The following ELAPOR2 variants were observed in gnomAD, a reference collection of about 807,000 sequenced individuals.
ELAPOR2 encodes the protein endosome/lysosome-associated apoptosis and autophagy regulator family member 2.
A neutral mutation model predicts 120.7 loss-of-function variants in ELAPOR2; 89 were observed. The ratio of observed to expected loss-of-function variants is 0.74; its 90% CI spans 0.62 to 0.88. The LOEUF is 0.88. Among genes scored for constraint, ELAPOR2 ranks in the 40% least tolerant of loss-of-function variants. ELAPOR2 has a pLI of 0.00. For missense variants in ELAPOR2, 1,134 were observed against 1,251.6 expected (o/e 0.91, Z 1.42); for synonymous variants, 444 against 444.9 (o/e 1.00, Z 0.03).
At chr7:87,042,896 C>G (rs1262269356) in intron 1 of ELAPOR2, among the ~76,000 whole-genome samples, 1 of 152,026 alleles carries the variant, frequency 6.6e-6, no homozygotes, top group South Asian at 2.1e-4. Context: ...AGAGAGGAAT[C>G]AAATAGACGC....
At chr7:87,042,417 G>C (rs1794815728) in intron 1 of ELAPOR2, among the ~76,000 whole-genome samples, 1 of 151,140 alleles carries the variant, frequency 6.6e-6, no homozygotes, top group African/African-American at 2.5e-5. Flanking sequence ...CTATCTCTCA[G>C]ACCACAGTGC....
At chr7:87,052,576 C>G (rs1052315108) in intron 1 of ELAPOR2, among the ~76,000 whole-genome samples, 1 of 152,130 alleles carries the variant, frequency 6.6e-6, no homozygotes, top group Non-Finnish European at 1.5e-5. Context: ...TGCACAGGAA[C>G]CAAGCACTTA....
At position 86,893,115 on chromosome 7, in the gene ELAPOR2, AC is replaced by A; in HGVS notation, c.2686-16del. 1 of 1,513,916 alleles carries A rather than the reference AC, an allele frequency of 6.6e-7. No homozygotes were observed. Among genetic ancestry groups the A allele is most frequent in the Non-Finnish European group, 8.8e-7 (1 of 1,133,774 alleles). The allele number at this position is 1,513,916 out of a possible 1,614,324, so 93.8% of individuals were successfully genotyped here. On this transcript the variant is annotated splice_polypyrimidine_tract_variant and intron_variant, in intron 19 of 21. Coordinates refer to ENST00000450689, the MANE Select transcript of ELAPOR2 (RefSeq NM_001142749.3). Reference sequence around the variant, plus strand: ...TACAAGGTTTCCTTTAAAAAAAAAAACATAAAACCATAGAAGACATGAGAAA... The same window carrying A: ...TACAAGGTTTCCTTTAAAAAAAAAAAATAAAACCATAGAAGACATGAGAAA...
chr7:86,969,632 C>G (rs1255256167), intron 1 of ELAPOR2, among the ~76,000 whole-genome samples: 1 of 152,026 alleles, frequency 6.6e-6, no homozygotes, highest in Non-Finnish European at 1.5e-5. Context: ...ACACAAAAAA[C>G]ATAAATTTAT....
intron 1 of ELAPOR2, among the ~76,000 whole-genome samples, chr7:87,038,035 C>T (rs1344847171): frequency 6.6e-6 from 1 of 152,150 alleles, no homozygotes; most frequent in Non-Finnish European, 1.5e-5. Context: ...CTGTGAGATA[C>T]ATGCTAGATG....
At chr7:86,917,767 C>T (rs570827422) in intron 12 of ELAPOR2, among the ~76,000 whole-genome samples, 1 of 151,908 alleles carries the variant, frequency 6.6e-6, no homozygotes, top group Non-Finnish European at 1.5e-5. Context: ...ACGGAGAAAA[C>T]TGTTAATAAA....
At chr7:86,928,621 CAA>C in intron 8 of ELAPOR2, among the ~76,000 whole-genome samples, 1 of 151,802 alleles carries the variant, frequency 6.6e-6, no homozygotes, top group East Asian at 1.9e-4. Context: ...TTAATTTGCC[CAA>C]AAGTCAAACA....
chr7:87,009,350 C>T (rs1170701721), intron 1 of ELAPOR2, among the ~76,000 whole-genome samples: 1 of 152,132 alleles, frequency 6.6e-6, no homozygotes, highest in Non-Finnish European at 1.5e-5. Context: ...GAATGAACCA[C>T]AAAGGTGTTT....
chr7:86,927,854 A>T lies in ELAPOR2; in HGVS notation c.1090-938T>A, dbSNP rs76055541. ...AGACTAAAAGTTCCTTTTCTTAAAC[A>T]TATAATCTGCTAAAAGTATTTTTTC... On this transcript the variant is annotated intron_variant, in intron 8 of 21. Transcript: ENST00000450689. Among the ~76,000 whole-genome samples, 5 of 152,144 alleles carry T rather than the reference A, an allele frequency of 3.3e-5. No individual in the cohort carries two copies. The East Asian group carries it at 7.8e-4, about 24-fold the overall frequency.
chr7:86,957,266 A>G (rs947429342), intron 2 of ELAPOR2, among the ~76,000 whole-genome samples: 1 of 152,252 alleles, frequency 6.6e-6, no homozygotes, highest in Admixed American at 6.5e-5. Context: ...AAAATATTTG[A>G]CAGCATTTTG....
intron 1 of ELAPOR2, among the ~76,000 whole-genome samples, chr7:87,034,261 C>T (rs111754560): frequency 6.6e-6 from 1 of 151,930 alleles, no homozygotes; most frequent in African/African-American, 2.4e-5. Context: ...GAAGATGCGG[C>T]GGTTCAAGCT....
intron 1 of ELAPOR2, 133 bp from the exon 2 acceptor site, chr7:86,965,157 C>A: frequency 1.2e-6 from 1 of 820,760 alleles, no homozygotes; most frequent in Non-Finnish European, 1.9e-6. Flanking sequence ...CCATCCCACC[C>A]ACACCAAGCA....
intron 21 of ELAPOR2, among the ~76,000 whole-genome samples, chr7:86,881,749 G>A (rs1392344812): frequency 1.3e-5 from 2 of 152,160 alleles, no homozygotes; most frequent in African/African-American, 4.8e-5. Flanking sequence ...CTTTCTGAAG[G>A]CTGCTGGAAT....
chr7:86,919,146 C>A lies in ELAPOR2; in HGVS notation c.1490+74G>T, dbSNP rs965814444. ...AATATTAATATGTTCCATAAAGTAG[C>A]CCTACTTCTTTATTTCTGTGGGGAA... On this transcript the variant is annotated intron_variant, in intron 11 of 21. Coordinates refer to ENST00000450689, the MANE Select transcript of ELAPOR2 (RefSeq NM_001142749.3). 2.6e-5 allele frequency: 26 copies of A among 996,560 alleles called. No individual in the cohort carries two copies. The African/African-American group carries it at 4.1e-4, about 16-fold the overall frequency. 61.7% of individuals were successfully genotyped at this position (996,560 alleles called of 1,614,324 possible). A position where few individuals can be genotyped will look rare whatever the true frequency, so the allele number is the denominator to read the frequency against.
intron 1 of ELAPOR2, among the ~76,000 whole-genome samples, chr7:87,013,371 C>T (rs1349212427): frequency 6.6e-6 from 1 of 152,152 alleles, no homozygotes; most frequent in Non-Finnish European, 1.5e-5. Flanking sequence ...TCAAGTCCCT[C>T]ATACTAAACT....
chr7:86,928,679 G>T (rs1790188934), intron 8 of ELAPOR2, among the ~76,000 whole-genome samples: 1 of 151,800 alleles, frequency 6.6e-6, no homozygotes, highest in South Asian at 2.1e-4. Flanking sequence ...GAGTCAGTTT[G>T]GTAAGGGTAA....
At chr7:87,032,394 G>GT (rs1185712358) in intron 1 of ELAPOR2, among the ~76,000 whole-genome samples, 2 of 152,124 alleles carry the variant, frequency 1.3e-5, no homozygotes, top group Non-Finnish European at 2.9e-5. Flanking sequence ...AGAAAGAGGT[G>GT]TAAGGAAGAG....
chr7:86,978,552 G>T (rs1183636419), intron 1 of ELAPOR2, among the ~76,000 whole-genome samples: 1 of 152,080 alleles, frequency 6.6e-6, no homozygotes, highest in Admixed American at 6.6e-5. Flanking sequence ...TTTTCTCAGT[G>T]CTCTCAGGCC....
At chr7:86,947,319 T>A (rs1191369094) in intron 3 of ELAPOR2, among the ~76,000 whole-genome samples, 1 of 152,180 alleles carries the variant, frequency 6.6e-6, no homozygotes, top group African/African-American at 2.4e-5. Context: ...CCACCTTAGG[T>A]ACTTAACCCA....
Sources: gnomAD v4.1 joint callset for allele counts (sites outside exome capture counted in the v4.1 genomes callset) on GRCh38, gnomAD v4.1.1 for gene constraint, MANE v1.5 for transcripts, NCBI Gene and HGNC (gene_info 2026-07-23, HGNC 2026-07-21) for gene names.